AVL9: variants seen among roughly 807,000 people sequenced by gnomAD.
The protein encoded by AVL9 is late secretory pathway protein AVL9 homolog.
Under a neutral mutation model 79.2 loss-of-function variants are expected in AVL9, and 49 were observed. The observed-to-expected ratio is 0.62, with a 90% CI of 0.49 to 0.79. The LOEUF is 0.79. Among genes scored for constraint, AVL9 ranks in the 30% least tolerant of loss-of-function variants. AVL9 has a pLI of 0.00. For synonymous variants in AVL9, 299 were observed against 280.6 expected (o/e 1.07, Z -0.65); for missense variants, 682 against 776.8 (o/e 0.88, Z 1.45).
chr7:32,536,997 T>G (rs904721754), intron 1 of AVL9: 3 of 152,304 alleles, frequency 2.0e-5, no homozygotes, highest in African/African-American at 7.2e-5. Flanking sequence ...TCCCATTGTT[T>G]AGGGGTTTTT....
At chr7:32,514,333 T>A (rs1201716363) in intron 1 of AVL9, among the ~76,000 whole-genome samples, 1 of 152,182 alleles carries the variant, frequency 6.6e-6, no homozygotes, top group Non-Finnish European at 1.5e-5. Flanking sequence ...TAATAGAGAA[T>A]GGAGAATGGC....
In AVL9 at chr7:32,579,582, T is replaced by A. The variant is rs1391568015; in HGVS notation, c.1689-637T>A. Among the ~76,000 whole-genome samples the A allele has an allele frequency of 6.8e-4, 7 of 10,290 alleles. 1 individual carries two copies. The highest frequency in any genetic ancestry group is 4.2e-3 in the African/African-American group (7 of 1,678). The allele number at this position is 10,290 out of a possible 152,430, so 6.8% of individuals were successfully genotyped here. A position where few individuals can be genotyped will look rare whatever the true frequency, so the allele number is the denominator to read the frequency against. ...TTATATTATATATTATATTATATAT[T>A]ATATATTATATATTATATATTATAT... On this transcript the variant is annotated intron_variant, in intron 13 of 15. Coordinates refer to ENST00000318709, the MANE Select transcript of AVL9 (RefSeq NM_015060.3).
At chr7:32,509,681 C>G (rs1485072891) in intron 1 of AVL9, among the ~76,000 whole-genome samples, 1 of 152,040 alleles carries the variant, frequency 6.6e-6, no homozygotes, top group Non-Finnish European at 1.5e-5. Flanking sequence ...GAAACCCCAT[C>G]TCTACTAAAA....
At chr7:32,528,810 A>G (rs1006059852) in intron 1 of AVL9, among the ~76,000 whole-genome samples, 9 of 152,132 alleles carry the variant, frequency 5.9e-5, no homozygotes, top group Non-Finnish European at 1.3e-4. Context: ...GGAGATCGAG[A>G]CCATCCTGGC....
At chr7:32,526,948 C>T (rs1328568382) in intron 1 of AVL9, among the ~76,000 whole-genome samples, 3 of 152,166 alleles carry the variant, frequency 2.0e-5, no homozygotes, top group Non-Finnish European at 4.4e-5. Context: ...GCATCCCATC[C>T]TCCCAGTGTG....
chr7:32,534,041 A>G (rs1445030898), intron 1 of AVL9: 1 of 152,198 alleles, frequency 6.6e-6, no homozygotes, highest in African/African-American at 2.4e-5. Context: ...AGAGGACACC[A>G]ATTTGGTTTA....
At chr7:32,544,853 T>C in intron 3 of AVL9, 74 bp downstream of exon 3, 2 of 1,041,910 alleles carry the variant, frequency 1.9e-6, no homozygotes, top group Non-Finnish European at 2.9e-6. Flanking sequence ...CAGTCTTTAT[T>C]TTTCAGTGGT....
intron 10 of AVL9, among the ~76,000 whole-genome samples, chr7:32,565,369 G>A (rs1165710021): frequency 6.6e-6 from 1 of 152,092 alleles, no homozygotes; most frequent in African/African-American, 2.4e-5. Context: ...AGACCAGCCT[G>A]ACCAACATGG....
At chr7:32,522,060 G>T (rs1357795108) in intron 1 of AVL9, among the ~76,000 whole-genome samples, 1 of 152,230 alleles carries the variant, frequency 6.6e-6, no homozygotes, top group Non-Finnish European at 1.5e-5. Flanking sequence ...ATGTCTAGAT[G>T]CCCAGGCAAA....
At chr7:32,555,718 A>C (rs1790026893) in intron 8 of AVL9, among the ~76,000 whole-genome samples, 2 of 152,210 alleles carry the variant, frequency 1.3e-5, no homozygotes, top group Admixed American at 1.3e-4. Flanking sequence ...TAGACTAATC[A>C]GGAGCCATCC....
chr7:32,566,644 C>T (rs1211132180), intron 10 of AVL9, among the ~76,000 whole-genome samples: 5 of 151,466 alleles, frequency 3.3e-5, no homozygotes, highest in Admixed American at 6.6e-5. Flanking sequence ...TTTGGGAGAC[C>T]GAGGCGGGCA....
At chr7:32,548,135 T>C (rs1339183628) in intron 3 of AVL9, among the ~76,000 whole-genome samples, 5 of 127,496 alleles carry the variant, frequency 3.9e-5, no homozygotes, top group African/African-American at 1.3e-4. Context: ...CTGTCTGTTT[T>C]TGTCATCTCT....
At chr7:32,533,042 G>T (rs1369010653) in intron 1 of AVL9, 1 of 152,252 alleles carries the variant, frequency 6.6e-6, no homozygotes, top group Non-Finnish European at 1.5e-5. Flanking sequence ...GCCAGGCACG[G>T]TGGCCTATAA....
chr7:32,513,621 C>T (rs1180157085), intron 1 of AVL9, among the ~76,000 whole-genome samples: 1 of 152,210 alleles, frequency 6.6e-6, no homozygotes. Flanking sequence ...AGGGGGCCTG[C>T]CCCTCCACAC....
intron 1 of AVL9, among the ~76,000 whole-genome samples, chr7:32,514,483 A>C (rs1302129158): frequency 6.6e-6 from 1 of 152,194 alleles, no homozygotes; most frequent in Non-Finnish European, 1.5e-5. Flanking sequence ...TGTGACTTGC[A>C]CGTATATGCC....
In AVL9 at chr7:32,566,660, C is replaced by T. The variant is rs535304138; in HGVS notation, c.1216-3360C>T. Among the ~76,000 whole-genome samples, 5 of 151,900 alleles carry T rather than the reference C, an allele frequency of 3.3e-5. 1 individual carries two copies. The highest frequency in any genetic ancestry group is 2.0e-4 in the Admixed American group (3 of 15,248). On this transcript the variant is annotated intron_variant, in intron 10 of 15. Transcript: ENST00000318709. ...TTGGGAGACCGAGGCGGGCAGATCA[C>T]GAGGTCAGGAGATCGAGACCATCCT...
chr7:32,576,102 C>T, intron 13 of AVL9, 30 bp downstream of exon 13: 2 of 1,479,584 alleles, frequency 1.4e-6, no homozygotes, highest in Non-Finnish European at 1.9e-6. Context: ...ATTGATAGTA[C>T]ATAAATGGTT....
intron 1 of AVL9, among the ~76,000 whole-genome samples, chr7:32,542,593 T>C (rs1789266414): frequency 6.6e-6 from 1 of 152,138 alleles, no homozygotes; most frequent in African/African-American, 2.4e-5. Flanking sequence ...ATCATGAATT[T>C]TAAATTCAGT....
At position 32,551,415 on chromosome 7, in the gene AVL9, A is replaced by G. The variant is rs1385228496; in HGVS notation, c.454A>G (p.Ile152Val). The G allele has an allele frequency of 1.3e-6, 2 of 1,591,932 alleles. No homozygotes were observed. Among genetic ancestry groups the G allele is most frequent in the Non-Finnish European group, 1.7e-6 (2 of 1,160,342 alleles). The change falls in exon 5 of 16, where the codon ATT becomes GTT. Residue 152 changes from isoleucine (I) to valine (V), a missense_variant. Physicochemically the swap from Ile to Val is conservative, Grantham distance 29. Transcript: ENST00000318709. Reference protein sequence around the residue: ...FEEKDFSQISILKELYEHMNS... With the variant: ...FEEKDFSQISVLKELYEHMNS... The stretch of plus-strand genomic sequence containing the variant: ...AGAGAAGGATTTTTCCCAAATTTCT[A>G]TTCTAAAGGTAACTTTATACCCCTC...
Sources: allele counts gnomAD v4.1 joint callset (sites outside exome capture counted in the v4.1 genomes callset), GRCh38; gene constraint gnomAD v4.1.1; transcripts MANE v1.5; gene names NCBI Gene and HGNC (gene_info 2026-07-23, HGNC 2026-07-21).